HDAC9: variants seen among roughly 807,000 people sequenced by gnomAD.
HDAC9 encodes the protein histone deacetylase 9, also known as MEF-2 interacting transcription repressor (MITR) protein.
In HDAC9, 41 loss-of-function variants were observed where a neutral mutation model predicts 139.4. That is an observed-to-expected ratio of 0.29 (90% CI 0.23 to 0.38). The LOEUF (loss-of-function observed/expected upper bound fraction) is 0.38, where lower values mean the gene tolerates loss of function less well. HDAC9 is among the 10% of genes least tolerant of loss of function. HDAC9 has a pLI of 1.00. For synonymous variants in HDAC9, 517 were observed against 476.2 expected (o/e 1.09, Z -1.12); for missense variants, 1,147 against 1,297.0 (o/e 0.88, Z 1.78).
intron 1 of HDAC9, among the ~76,000 whole-genome samples, chr7:18,094,810 A>G (rs1200649307): frequency 6.6e-6 from 1 of 152,046 alleles, no homozygotes; most frequent in African/African-American, 2.4e-5. Flanking sequence ...ATCATTAAGG[A>G]TTTCAATCCT....
chr7:18,658,840 A>C (rs1792128223), intron 11 of HDAC9, among the ~76,000 whole-genome samples: 1 of 151,348 alleles, frequency 6.6e-6, no homozygotes, highest in Non-Finnish European at 1.5e-5. Flanking sequence ...TTGGAGCTTA[A>C]GGGAAATGTT....
chr7:18,899,237 T>C (rs1801480651), intron 22 of HDAC9: 1 of 152,066 alleles, frequency 6.6e-6, no homozygotes, highest in Non-Finnish European at 1.5e-5. Context: ...GAGGACACTT[T>C]TCTTGTAGTG....
intron 23 of HDAC9, among the ~76,000 whole-genome samples, chr7:18,945,943 T>C (rs1490832500): frequency 6.9e-6 from 1 of 144,080 alleles, no homozygotes; most frequent in Non-Finnish European, 1.5e-5. Flanking sequence ...AGGCTGAGGC[T>C]GGAGAATCGG....
In HDAC9 at chr7:18,571,627, TTTA is replaced by T. The variant is rs1279470008; in HGVS notation, c.23-13651_23-13649del. Among the ~76,000 whole-genome samples, 359 of 152,058 alleles carry T rather than the reference TTTA, an allele frequency of 2.4e-3. 2 individuals carry two copies. Among genetic ancestry groups the T allele is most frequent in the African/African-American group, 8.2e-3 (340 of 41,508 alleles). ...TAAAACTTTATTTTATTTTTTATTT[TTTA>T]TTTTTTTTTTTGGTAATAAAGATTT... is the stretch of plus-strand genomic sequence containing the variant. On this transcript the variant is annotated intron_variant, in intron 2 of 25. Coordinates refer to ENST00000686413, the MANE Select transcript of HDAC9 (RefSeq NM_178425.4).
At chr7:18,273,212 A>G (rs1188623924) in intron 2 of HDAC9, among the ~76,000 whole-genome samples, 5 of 151,646 alleles carry the variant, frequency 3.3e-5, no homozygotes, top group Admixed American at 2.0e-4. Flanking sequence ...GACTACAGGC[A>G]TGCCACACCA....
chr7:18,884,632 T>C (rs1467371347), intron 22 of HDAC9, among the ~76,000 whole-genome samples: 1 of 152,228 alleles, frequency 6.6e-6, no homozygotes, highest in Non-Finnish European at 1.5e-5. Context: ...CTATAGTTAC[T>C]ATTATAAACA....
At position 18,546,359 on chromosome 7, in the gene HDAC9, A is replaced by G. The variant is rs1814819686; in HGVS notation, c.23-38922A>G. Among the ~76,000 whole-genome samples the G allele has an allele frequency of 2.0e-5, 3 of 152,202 alleles. No individual in the cohort carries two copies. The South Asian group carries it at 6.2e-4, about 32-fold the overall frequency. ...CACTGGGTCACATCTGGATCAAGGC[A>G]TAAGGTTTCTTTGACTCTTAGATTT... On this transcript the variant is annotated intron_variant, in intron 2 of 25. Transcript: ENST00000686413.
At chr7:18,194,191 C>G (rs1790570569) in intron 2 of HDAC9, among the ~76,000 whole-genome samples, 1 of 152,158 alleles carries the variant, frequency 6.6e-6, no homozygotes, top group Non-Finnish European at 1.5e-5. Flanking sequence ...AACGATTAAA[C>G]ATGATATTTT....
rs554677597 is a variant in HDAC9 at position 18,831,599 on chromosome 7, C to T, written c.2466+2051C>T. On this transcript the variant is annotated intron_variant, in intron 19 of 25. Coordinates refer to ENST00000686413, the MANE Select transcript of HDAC9 (RefSeq NM_178425.4). ...CAAAGGGTTGCCTCTGAGATCACCA[C>T]CAGCCCACATATTCTTACTTTCAAG... 2.0e-4 allele frequency among the ~76,000 whole-genome samples: 30 copies of T among 152,204 alleles called. No homozygotes were observed. The South Asian group carries it at 4.6e-3, about 23-fold the overall frequency.
intron 1 of HDAC9, among the ~76,000 whole-genome samples, chr7:18,448,998 G>A (rs1215140134): frequency 1.3e-5 from 2 of 152,090 alleles, no homozygotes; most frequent in East Asian, 3.9e-4. Context: ...AGAGTATTTT[G>A]TCAAAACTGA....
chr7:18,211,079 T>C (rs1791905848), intron 2 of HDAC9, among the ~76,000 whole-genome samples: 2 of 152,204 alleles, frequency 1.3e-5, no homozygotes, highest in Admixed American at 1.3e-4. Context: ...CATGTGATTA[T>C]AGCTGTGGAA....
At chr7:18,235,348 A>G (rs1194171163) in intron 2 of HDAC9, among the ~76,000 whole-genome samples, 5 of 152,004 alleles carry the variant, frequency 3.3e-5, no homozygotes, top group Admixed American at 3.3e-4. Context: ...TATTCTGGTA[A>G]ATGTTTTAAC....
chr7:18,567,976 T>C (rs1222139322), intron 2 of HDAC9, among the ~76,000 whole-genome samples: 1 of 149,434 alleles, frequency 6.7e-6, no homozygotes, highest in African/African-American at 2.5e-5. Context: ...TTGGTTTCTA[T>C]AAAATATACT....
chr7:18,755,763 G>T (rs1788821402), intron 14 of HDAC9, among the ~76,000 whole-genome samples: 1 of 152,080 alleles, frequency 6.6e-6, no homozygotes. Context: ...TTATTGAACT[G>T]GGATTTGCTG....
intron 11 of HDAC9, among the ~76,000 whole-genome samples, chr7:18,648,965 T>C (rs1467135498): frequency 6.6e-6 from 1 of 152,178 alleles, no homozygotes; most frequent in African/African-American, 2.4e-5. Context: ...CGGGCATATG[T>C]ATATGGAGCC....
intron 1 of HDAC9, among the ~76,000 whole-genome samples, chr7:18,139,600 T>G (rs1286086574): frequency 6.6e-6 from 1 of 152,196 alleles, no homozygotes; most frequent in Non-Finnish European, 1.5e-5. Flanking sequence ...ACACCTCTAG[T>G]AGGCTGAATA....
At chr7:18,443,693 T>A (rs1486122059) in intron 1 of HDAC9, among the ~76,000 whole-genome samples, 3 of 152,046 alleles carry the variant, frequency 2.0e-5, no homozygotes, top group Non-Finnish European at 2.9e-5. Context: ...CCACCCTTCA[T>A]TTGTAAAATA....
At chr7:18,682,573 A>G (rs1584830395) in intron 12 of HDAC9, among the ~76,000 whole-genome samples, 1 of 152,214 alleles carries the variant, frequency 6.6e-6, no homozygotes, top group Non-Finnish European at 1.5e-5. Context: ...TGTTCTCTAA[A>G]TAAAATATAG....
At chr7:18,963,651 G>C (rs1461615750) in intron 24 of HDAC9, among the ~76,000 whole-genome samples, 1 of 152,060 alleles carries the variant, frequency 6.6e-6, no homozygotes, top group Non-Finnish European at 1.5e-5. Flanking sequence ...AACAATAACA[G>C]AGTTTTCTTT....
Sources: allele counts gnomAD v4.1 joint callset (sites outside exome capture counted in the v4.1 genomes callset), GRCh38; gene constraint gnomAD v4.1.1; transcripts MANE v1.5; gene names NCBI Gene and HGNC (gene_info 2026-07-23, HGNC 2026-07-21).